Variants in PSMD1 observed in about 807,000 individuals in gnomAD.
PSMD1 encodes proteasome 26S subunit, non-ATPase 1, also known as 26S proteasome non-ATPase regulatory subunit 1.
PSMD1 carries 18 observed loss-of-function variants against 119.0 expected under a neutral mutation model. The ratio of observed to expected loss-of-function variants is 0.15; its 90% CI spans 0.10 to 0.22. The LOEUF (loss-of-function observed/expected upper bound fraction) is 0.22. Among genes scored for constraint, PSMD1 ranks in the 10% least tolerant of loss-of-function variants. PSMD1 has a pLI of 1.00. For missense variants in PSMD1, 702 were observed against 1,158.5 expected (o/e 0.61, Z 5.72); for synonymous variants, 374 against 396.6 (o/e 0.94, Z 0.68).
At chr2:231,160,286 A>G (rs1302692597) in intron 19 of PSMD1, among the ~76,000 whole-genome samples, 2 of 152,232 alleles carry the variant, frequency 1.3e-5, no homozygotes, top group East Asian at 1.9e-4. Flanking sequence ...AATTAGAAAT[A>G]AAGTGTTTTG....
At chr2:231,059,452 C>A (rs192994785) in intron 1 of PSMD1, among the ~76,000 whole-genome samples, 15 of 152,248 alleles carry the variant, frequency 9.9e-5, no homozygotes, top group African/African-American at 3.6e-4. Context: ...TCAACATGTT[C>A]TATTAGTTTT....
intron 13 of PSMD1, 118 bp from the exon 14 acceptor site, chr2:231,083,449 T>C (rs1694361819): frequency 1.9e-6 from 2 of 1,042,458 alleles, no homozygotes; most frequent in Admixed American, 2.4e-5. Context: ...AAAAAAATGC[T>C]ATCAGAAGCT....
At chr2:231,090,572 A>G (rs1310153623) in intron 16 of PSMD1, among the ~76,000 whole-genome samples, 1 of 152,194 alleles carries the variant, frequency 6.6e-6, no homozygotes, top group East Asian at 1.9e-4. Context: ...AAAATAAATA[A>G]TAAATAAAAA....
intron 16 of PSMD1, among the ~76,000 whole-genome samples, chr2:231,115,743 T>G (rs1028043176): frequency 2.6e-5 from 4 of 152,134 alleles, no homozygotes; most frequent in African/African-American, 9.7e-5. Flanking sequence ...TTTATTGAAA[T>G]GTAAATGTTA....
intron 16 of PSMD1, chr2:231,108,667 T>C (rs779947369): frequency 1.2e-6 from 2 of 1,614,140 alleles, no homozygotes; most frequent in Non-Finnish European, 1.7e-6. Flanking sequence ...CATTTCGAAT[T>C]CCATGTTTCT....
In PSMD1 at chr2:231,083,435, G is replaced by A. The variant is rs747418308; in HGVS notation, c.1526-132G>A. ...CATAAAGTATCCTTTTTACCAGGTG[G>A]TTTAAAAAAATGCTATCAGAAGCTA... On this transcript the variant is annotated intron_variant, in intron 13 of 24. Transcript: ENST00000308696. The A allele has an allele frequency of 1.3e-5, 12 of 894,510 alleles. No homozygotes were observed. In the Admixed American group the frequency reaches 2.0e-4, roughly 15 times the overall value. 55.4% of individuals were successfully genotyped at this position (894,510 alleles called of 1,614,324 possible).
At chr2:231,083,047 T>G in intron 13 of PSMD1, 53 bp downstream of exon 13, 3 of 1,246,078 alleles carry the variant, frequency 2.4e-6, no homozygotes, top group Admixed American at 1.9e-5. Context: ...AATGTAAATG[T>G]AATTACATTA....
chr2:231,164,994 C>G, intron 21 of PSMD1: 1 of 180,616 alleles, frequency 5.5e-6, no homozygotes, highest in Non-Finnish European at 1.1e-5. Context: ...CAGTAAATGT[C>G]CTGCTTAGTT....
chr2:231,157,332 T>C (rs1696528077), intron 19 of PSMD1, among the ~76,000 whole-genome samples: 1 of 151,276 alleles, frequency 6.6e-6, no homozygotes, highest in Non-Finnish European at 1.5e-5. Flanking sequence ...TAGGGGAGGA[T>C]AATTCTATGT....
chr2:231,090,124 TGGAGTTG>T (rs1395196170), intron 16 of PSMD1, among the ~76,000 whole-genome samples: 1 of 152,250 alleles, frequency 6.6e-6, no homozygotes, highest in Non-Finnish European at 1.5e-5. Flanking sequence ...TGGGTTCTGA[TGGAGTTG>T]TACAAGGAGA....
At chr2:231,061,160 C>A in intron 1 of PSMD1, 107 bp from the exon 2 acceptor site, 1 of 722,526 alleles carries the variant, frequency 1.4e-6, no homozygotes, top group Non-Finnish European at 2.3e-6. Flanking sequence ...GGAGAAGTTA[C>A]GCCTCAAAAA....
chr2:231,111,435 A>G (rs1574738453), intron 16 of PSMD1, among the ~76,000 whole-genome samples: 2 of 152,130 alleles, frequency 1.3e-5, no homozygotes, highest in African/African-American at 4.8e-5. Context: ...CAGGACTCAC[A>G]CTACTTTCCT....
At position 231,123,910 on chromosome 2, in the gene PSMD1, C is replaced by G. The variant is rs116975426; in HGVS notation, c.1884-14826C>G. On this transcript the variant is annotated intron_variant, in intron 16 of 24. Coordinates refer to ENST00000308696, the MANE Select transcript of PSMD1 (RefSeq NM_002807.4). ...ACACCTTCCTTTAAAAAAAAAAATT[C>G]AAGTTCTCTAAAATGAGCGCATACA... The G allele has an allele frequency of 1.0e-3, 716 of 698,206 alleles. 7 individuals are homozygous for G. In the East Asian group the frequency reaches 0.019, roughly 18 times the overall value. The allele number at this position is 698,206 out of a possible 1,614,324, so 43.3% of individuals were successfully genotyped here.
intron 17 of PSMD1, among the ~76,000 whole-genome samples, chr2:231,139,412 A>C (rs1162468735): frequency 7.3e-6 from 1 of 137,130 alleles, no homozygotes; most frequent in African/African-American, 2.8e-5. Flanking sequence ...ACACTCAGCT[A>C]ATTTTTTTAT....
chr2:231,073,726 C>A (rs1400623551), intron 7 of PSMD1, among the ~76,000 whole-genome samples: 1 of 151,794 alleles, frequency 6.6e-6, no homozygotes, highest in Non-Finnish European at 1.5e-5. Context: ...AATTAATGTT[C>A]TTATATCCCT....
At chr2:231,082,792 T>G in intron 12 of PSMD1, 91 bp from the exon 13 acceptor site, 1 of 937,808 alleles carries the variant, frequency 1.1e-6, no homozygotes, top group Middle Eastern at 2.2e-4. Context: ...CCTCTGCATA[T>G]TTAATGTGAA....
chr2:231,167,838 T>C (rs1342762407), intron 23 of PSMD1, among the ~76,000 whole-genome samples: 1 of 152,232 alleles, frequency 6.6e-6, no homozygotes, highest in Admixed American at 6.5e-5. Context: ...ATGATTTGAA[T>C]AGACATTTCT....
intron 16 of PSMD1, among the ~76,000 whole-genome samples, chr2:231,102,554 A>C (rs1694892765): frequency 6.6e-6 from 1 of 152,206 alleles, no homozygotes; most frequent in Non-Finnish European, 1.5e-5. Context: ...GCTAGAGAAA[A>C]GAAAATGTTA....
chr2:231,077,883 A>G (rs944743825), intron 9 of PSMD1, among the ~76,000 whole-genome samples: 3 of 152,362 alleles, frequency 2.0e-5, no homozygotes, highest in Admixed American at 6.5e-5. Context: ...TTTTAATACA[A>G]TTTTTGCAAA....
Sources: allele counts gnomAD v4.1 joint callset (sites outside exome capture counted in the v4.1 genomes callset), GRCh38; gene constraint gnomAD v4.1.1; transcripts MANE v1.5; gene names NCBI Gene and HGNC (gene_info 2026-07-23, HGNC 2026-07-21).